The following RASIP1 variants were observed in gnomAD, a reference collection of about 807,000 sequenced individuals.
RASIP1 encodes Ras interacting protein 1, also known as ras-interacting protein 1.
RASIP1 carries 20 observed loss-of-function variants against 85.3 expected under a neutral mutation model. The ratio of observed to expected loss-of-function variants is 0.23; its 90% CI spans 0.17 to 0.34. The LOEUF (loss-of-function observed/expected upper bound fraction) is 0.34, where lower values mean the gene tolerates loss of function less well. Ranked by LOEUF, RASIP1 falls within the 10% of genes least tolerant of loss-of-function variation. RASIP1 has a pLI of 1.00. For synonymous variants in RASIP1, 617 were observed against 647.1 expected (o/e 0.95, Z 0.71); for missense variants, 1,170 against 1,390.9 (o/e 0.84, Z 2.53).
intron 4 of RASIP1, among the ~76,000 whole-genome samples, chr19:48,733,527 C>T (rs554738908): frequency 2.6e-5 from 4 of 151,776 alleles, no homozygotes; most frequent in Admixed American, 2.0e-4. Context: ...CAGTGCTGGC[C>T]GGGAGCGGTG....
chr19:48,725,148 C>G (rs936205660), intron 8 of RASIP1, 188 bp from the exon 9 acceptor site: 1 of 643,250 alleles, frequency 1.6e-6, no homozygotes, highest in African/African-American at 1.8e-5. Context: ...ACAAGTTTCT[C>G]GAGTATTTTA....
intron 4 of RASIP1, among the ~76,000 whole-genome samples, chr19:48,731,570 C>T (rs538131423): frequency 3.9e-5 from 6 of 152,138 alleles, no homozygotes; most frequent in South Asian, 4.1e-4. Context: ...CAGAAGACCT[C>T]GTCCTAAAAA....
Position 48,724,287 on chromosome 19 carries a change from G to C in RASIP1, c.2544+50C>G. On this transcript the variant is annotated intron_variant, in intron 10 of 11. Transcript: ENST00000222145. This position sits in a 1 kb window ranked among gnomAD's most constrained non-coding sequence, Gnocchi z 4.6. ...GCTGAATATAGAAGGTGGCTGAGGGGGGTTGAGGAGTCAGAGGTCAGGGGT... is the reference window on the plus strand; with the variant it reads ...GCTGAATATAGAAGGTGGCTGAGGGCGGTTGAGGAGTCAGAGGTCAGGGGT... 1 of 1,571,722 alleles carries C rather than the reference G, an allele frequency of 6.4e-7. No individual in the cohort carries two copies. Among genetic ancestry groups the C allele is most frequent in the Non-Finnish European group, 8.7e-7 (1 of 1,150,792 alleles).
rs1294372080 is a variant in RASIP1 at position 48,738,809 on chromosome 19, A to G, written c.823+151T>C. 3 of 999,244 alleles carry G rather than the reference A, an allele frequency of 3.0e-6. No individual in the cohort carries two copies. In the African/African-American group the frequency reaches 5.1e-5, roughly 17 times the overall value. The allele number at this position is 999,244 out of a possible 1,614,324, so 61.9% of individuals were successfully genotyped here. ...CCTGCTCTAGCTCTGCCTAGAGTCC[A>G]ACACGCACCGTCCAGTCCCCTCCCA... On this transcript the variant is annotated intron_variant, in intron 3 of 11. Coordinates refer to ENST00000222145, the MANE Select transcript of RASIP1 (RefSeq NM_017805.3). The surrounding 1 kb of genome is among the most constrained non-coding windows in gnomAD (Gnocchi z 4.0).
At position 48,738,791 on chromosome 19, in the gene RASIP1, T is replaced by C. The variant is rs2122486900; in HGVS notation, c.823+169A>G. The C allele has an allele frequency of 3.4e-6, 3 of 885,052 alleles. No individual in the cohort carries two copies. The highest frequency in any genetic ancestry group is 4.3e-4 in the Middle Eastern group (1 of 2,324). The allele number at this position is 885,052 out of a possible 1,614,324, so 54.8% of individuals were successfully genotyped here. On this transcript the variant is annotated intron_variant, in intron 3 of 11. Coordinates refer to ENST00000222145, the MANE Select transcript of RASIP1 (RefSeq NM_017805.3). This position sits in a 1 kb window ranked among gnomAD's most constrained non-coding sequence, Gnocchi z 4.0. ...CATCTGGCCGCCCCCGGCCCTGCTC[T>C]AGCTCTGCCTAGAGTCCAACACGCA...
In RASIP1 at chr19:48,738,681, A is replaced by G; in HGVS notation, c.823+279T>C. On this transcript the variant is annotated intron_variant, in intron 3 of 11. Transcript: ENST00000222145. This position sits in a 1 kb window ranked among gnomAD's most constrained non-coding sequence, Gnocchi z 4.0. Reference sequence around the variant, plus strand: ...CCACTCCAAGCCACCACCAGCAACCAGCCCCCGTCCCGCCTAAGCCCCAAG... The same window carrying G: ...CCACTCCAAGCCACCACCAGCAACCGGCCCCCGTCCCGCCTAAGCCCCAAG... The G allele has an allele frequency of 3.5e-6, 1 of 288,160 alleles. No individual in the cohort carries two copies. The highest frequency in any genetic ancestry group is 6.2e-6 in the Non-Finnish European group (1 of 160,934). 17.9% of individuals were successfully genotyped at this position (288,160 alleles called of 1,614,324 possible).
In RASIP1 at chr19:48,739,260, G is replaced by A; in HGVS notation, c.523C>T (p.Leu175Phe). The change falls in exon 3 of 12, where the codon CTC becomes TTC. Residue 175 changes from leucine (L) to phenylalanine (F), a missense_variant. Leu to Phe is a conservative substitution (Grantham distance 22). Transcript: ENST00000222145. This position sits in a 1 kb window ranked among gnomAD's most constrained non-coding sequence, Gnocchi z 9.2. ...TAGCGCTCTAGCGCCTCGGCCACGA[G>A]CTCGCGCGCCGTGGAGCGCGCCGTG... Reference protein sequence around the residue: ...LATARSTARELVAEALERYGL... With the variant: ...LATARSTAREFVAEALERYGL... The A allele has an allele frequency of 6.8e-7, 1 of 1,471,012 alleles. No homozygotes were observed. Among genetic ancestry groups the A allele is most frequent in the Non-Finnish European group, 8.9e-7 (1 of 1,119,186 alleles). The allele number at this position is 1,471,012 out of a possible 1,614,324, so 91.1% of individuals were successfully genotyped here.
Position 48,739,285 on chromosome 19 carries a change from G to A in RASIP1, c.498C>T (p.Ala166=), listed in dbSNP as rs771226998. Residue 166 remains alanine, a synonymous_variant, in exon 3 of 12, where the codon GCC becomes GCT. Coordinates refer to ENST00000222145, the MANE Select transcript of RASIP1 (RefSeq NM_017805.3). The surrounding 1 kb of genome is among the most constrained non-coding windows in gnomAD (Gnocchi z 9.2). The part of the protein sequence containing the change: ...ASGANYKSVL[A]TARSTARELV... ...GCTCGCGCGCCGTGGAGCGCGCCGT[G>A]GCCAGCACGCTCTTGTAGTTGGCGC... 1.1e-5 allele frequency: 16 copies of A among 1,462,700 alleles called. No individual in the cohort carries two copies. The highest frequency in any genetic ancestry group is 2.7e-6 in the Non-Finnish European group (3 of 1,116,358). 90.6% of individuals were successfully genotyped at this position (1,462,700 alleles called of 1,614,324 possible).
intron 4 of RASIP1, among the ~76,000 whole-genome samples, chr19:48,734,062 G>A (rs1199967911): frequency 6.6e-6 from 1 of 152,068 alleles, no homozygotes. Context: ...TTGGGAGGCC[G>A]AGGCGGGCGG....
At chr19:48,722,103 TGGCATCTCTGCA>T in intron 10 of RASIP1, 102 bp from the exon 11 acceptor site, 3 of 1,174,394 alleles carry the variant, frequency 2.6e-6, no homozygotes, top group Non-Finnish European at 3.4e-6. Flanking sequence ...GGGAAGATAA[TGGCATCTCTGCA>T]GTGTCTTCTG....
intron 5 of RASIP1, 32 bp from the exon 6 acceptor site, chr19:48,727,462 G>A: frequency 1.2e-6 from 2 of 1,608,590 alleles, no homozygotes; most frequent in Non-Finnish European, 1.7e-6. Flanking sequence ...ATCAAGGTGA[G>A]GGGGATCCAC....
chr19:48,730,230 A>G (rs912463270), intron 4 of RASIP1, among the ~76,000 whole-genome samples: 1 of 151,500 alleles, frequency 6.6e-6, no homozygotes, highest in Non-Finnish European at 1.5e-5. Flanking sequence ...CAGTGGCACG[A>G]TCTCGGCTCA....
intron 3 of RASIP1, chr19:48,737,658 C>A: frequency 1.0e-6 from 1 of 985,384 alleles, no homozygotes; most frequent in Non-Finnish European, 1.2e-6. Context: ...CCCTTCTATA[C>A]TCCACCCACA....
chr19:48,724,851 G>A lies in RASIP1; in HGVS notation c.2237C>T (p.Pro746Leu), dbSNP rs917532114. 3.0e-5 allele frequency: 48 copies of A among 1,614,140 alleles called. No homozygotes were observed. Among genetic ancestry groups the A allele is most frequent in the Admixed American group, 6.7e-5 (4 of 60,008 alleles). Residue 746 changes from proline (P) to leucine (L), a missense_variant, in exon 9 of 12, where the codon CCT becomes CTT. This residue lies in a region of RASIP1 where 426 missense variants were observed against 576.2 expected (regional missense o/e 0.74). Coordinates refer to ENST00000222145, the MANE Select transcript of RASIP1 (RefSeq NM_017805.3). The surrounding 1 kb of genome is among the most constrained non-coding windows in gnomAD (Gnocchi z 4.6). ...ELGAMPPGLR[P>L]TLGVFQAALE... ...GGCTGCCTGGAACACGCCCAGGGTA[G>A]GTCTCAATCCTGGAGGCATGGCCCC...
In RASIP1 at chr19:48,740,118, G is replaced by A; in HGVS notation, c.137+28C>T. 6.4e-7 allele frequency: 1 copy of A among 1,554,832 alleles called. No individual in the cohort carries two copies. Among genetic ancestry groups the A allele is most frequent in the Middle Eastern group, 1.8e-4 (1 of 5,458 alleles). ...ACAGATGGGAAGCAGGTGTGCAGGG[G>A]CAGGAGTCCTGCAGAGATGGCACTC... is the stretch of plus-strand genomic sequence containing the variant. On this transcript the variant is annotated intron_variant, in intron 2 of 11. Transcript: ENST00000222145. This position sits in a 1 kb window ranked among gnomAD's most constrained non-coding sequence, Gnocchi z 5.5.
intron 3 of RASIP1, chr19:48,737,786 A>C (rs1015190560): frequency 1.0e-6 from 1 of 983,228 alleles, no homozygotes; most frequent in Non-Finnish European, 1.2e-6. Flanking sequence ...GCCCCAGACC[A>C]CGCTTTTCCA....
In RASIP1 at chr19:48,724,840, C is replaced by T. The variant is rs1422291700; in HGVS notation, c.2248G>A (p.Val750Met). 3 of 1,614,242 alleles carry T rather than the reference C, an allele frequency of 1.9e-6. No individual in the cohort carries two copies. The highest frequency in any genetic ancestry group is 2.5e-6 in the Non-Finnish European group (3 of 1,180,040). The change falls in exon 9 of 12, where the codon GTG becomes ATG. Residue 750 changes from valine to methionine, a missense_variant. Val to Met is a conservative substitution (Grantham distance 21). Transcript: ENST00000222145. This position sits in a 1 kb window ranked among gnomAD's most constrained non-coding sequence, Gnocchi z 4.6. Reference sequence around the variant, plus strand: ...GTCAGCTCCAAGGCTGCCTGGAACACGCCCAGGGTAGGTCTCAATCCTGGA... The same window carrying T: ...GTCAGCTCCAAGGCTGCCTGGAACATGCCCAGGGTAGGTCTCAATCCTGGA... ...MPPGLRPTLG[V>M]FQAALELTSQ...
chr19:48,735,103 G>T, intron 4 of RASIP1, 93 bp downstream of exon 4: 14 of 1,197,992 alleles, frequency 1.2e-5, no homozygotes, highest in African/African-American at 1.5e-5. Context: ...AGGCTAGCGC[G>T]CCCCGGGCCT....
At chr19:48,734,078 G>C (rs1345293777) in intron 4 of RASIP1, among the ~76,000 whole-genome samples, 2 of 151,968 alleles carry the variant, frequency 1.3e-5, no homozygotes, top group African/African-American at 4.8e-5. Context: ...GGCGGATCAC[G>C]AGGTCAAGAG....
Sources: gnomAD v4.1 joint callset for allele counts (sites outside exome capture counted in the v4.1 genomes callset) on GRCh38, gnomAD v4.1.1 for gene constraint, gnomAD v4.1.1 regional missense constraint, Gnocchi (gnomAD v3.1) non-coding constraint, MANE v1.5 for transcripts, NCBI Gene and HGNC (gene_info 2026-07-23, HGNC 2026-07-21) for gene names.